Variants in SAMD5 observed in about 807,000 individuals in gnomAD.
SAMD5 encodes sterile alpha motif domain-containing protein 5.
A neutral mutation model predicts 11.3 loss-of-function variants in SAMD5; 13 were observed. The observed-to-expected ratio is 1.15, with a 90% confidence interval of 0.75 to 1.83. The LOEUF is 1.83. Ranked by LOEUF, SAMD5 falls within the 40% of genes most tolerant of loss-of-function variation. SAMD5 has a pLI of 0.00. For missense variants in SAMD5, 255 were observed against 239.1 expected, an observed-to-expected ratio of 1.07 and a Z score of -0.44; for synonymous variants, 129 against 111.3, an observed-to-expected ratio of 1.16 and a Z score of -1.00.
intron 1 of SAMD5, among the ~76,000 whole-genome samples, chr6:147,655,072 C>G (rs1164861182): frequency 6.6e-6 from 1 of 152,172 alleles, no homozygotes; most frequent in East Asian, 1.9e-4. Context: ...TGCTCTTTCC[C>G]TCTGTATTTT....
At chr6:147,671,314 A>C (rs546501438) in intron 1 of SAMD5, among the ~76,000 whole-genome samples, 1 of 152,232 alleles carries the variant, frequency 6.6e-6, no homozygotes, top group Non-Finnish European at 1.5e-5. Context: ...AAGTGAGCAC[A>C]TGCTGTTGGA....
intron 1 of SAMD5, among the ~76,000 whole-genome samples, chr6:147,548,838 T>C (rs571333972): frequency 1.3e-5 from 2 of 152,206 alleles, no homozygotes; most frequent in South Asian, 4.2e-4. Context: ...GTATGACAGA[T>C]TGTATTTCTC....
At chr6:147,796,014 G>A in the SAMD5 span, among the ~76,000 whole-genome samples, 1 of 147,014 alleles carries the variant, frequency 6.8e-6, no homozygotes, top group Admixed American at 6.7e-5. Context: ...CATTTTGTAG[G>A]TTGCCTGTTC....
chr6:147,909,618 T>TTCTC, the SAMD5 span, among the ~76,000 whole-genome samples: 1 of 76,420 alleles, frequency 1.3e-5, no homozygotes, highest in African/African-American at 8.3e-5. Flanking sequence ...CTTTCTTTCT[T>TTCTC]TCTTTCTTTC....
chr6:147,552,770 G>A (rs184785412), intron 1 of SAMD5, among the ~76,000 whole-genome samples: 1 of 152,116 alleles, frequency 6.6e-6, no homozygotes, highest in South Asian at 2.1e-4. Flanking sequence ...CAATTAAAGA[G>A]GTCTTTATGC....
At chr6:147,791,019 G>A in the SAMD5 span, among the ~76,000 whole-genome samples, 1 of 152,116 alleles carries the variant, frequency 6.6e-6, no homozygotes, top group African/African-American at 2.4e-5. Flanking sequence ...GATAGGCCGG[G>A]TGTGGTGGCT....
chr6:147,911,281 G>A, the SAMD5 span, among the ~76,000 whole-genome samples: 1 of 152,176 alleles, frequency 6.6e-6, no homozygotes, highest in African/African-American at 2.4e-5. Flanking sequence ...AACACTGCCT[G>A]CTTGCCTCCT....
the SAMD5 span, among the ~76,000 whole-genome samples, chr6:147,843,446 TC>T: frequency 2.0e-5 from 3 of 152,178 alleles, no homozygotes; most frequent in Non-Finnish European, 4.4e-5. Context: ...TCAGTGCAAT[TC>T]CTATCAAAAT....
chr6:147,703,054 A>G (rs1368413809), intron 1 of SAMD5, among the ~76,000 whole-genome samples: 3 of 151,922 alleles, frequency 2.0e-5, no homozygotes, highest in African/African-American at 4.8e-5. Context: ...TCATTCCCTT[A>G]TACTTCGTTT....
chr6:147,803,938 C>T, the SAMD5 span, among the ~76,000 whole-genome samples: 1 of 152,138 alleles, frequency 6.6e-6, no homozygotes, highest in Admixed American at 6.5e-5. Flanking sequence ...CTCTGAAGCT[C>T]CTGCTCCTTC....
chr6:147,891,277 A>AT, the SAMD5 span, among the ~76,000 whole-genome samples: 1 of 152,212 alleles, frequency 6.6e-6, no homozygotes, highest in South Asian at 2.1e-4. Context: ...TCTATGTATT[A>AT]TTTGTGTCAT....
At chr6:147,938,270 A>G in the SAMD5 span, among the ~76,000 whole-genome samples, 7 of 141,104 alleles carry the variant, frequency 5.0e-5, no homozygotes, top group Admixed American at 3.7e-4. Context: ...TTTGTTTAAT[A>G]CTTTCATTAA....
chr6:147,797,362 G>A, the SAMD5 span, among the ~76,000 whole-genome samples: 13 of 131,566 alleles, frequency 9.9e-5, no homozygotes, highest in African/African-American at 3.3e-4. Flanking sequence ...TTATATGCTG[G>A]ATTACATTTA....
intron 1 of SAMD5, among the ~76,000 whole-genome samples, chr6:147,627,229 C>G (rs11155512): frequency 1.3e-5 from 2 of 151,924 alleles, no homozygotes; most frequent in Non-Finnish European, 2.9e-5. Flanking sequence ...TCAAAAGTTA[C>G]CTGGTAAACT....
rs77922447 is a variant in SAMD5 at position 147,563,366 on chromosome 6, G to T, written c.460-1028G>T. 9.3e-3 allele frequency among the ~76,000 whole-genome samples: 1,418 copies of T among 152,270 alleles called. 19 individuals are homozygous for T. The highest frequency in any genetic ancestry group is 0.032 in the African/African-American group (1,322 of 41,546). On this transcript the variant is annotated intron_variant, in intron 1 of 1. Transcript: ENST00000367474. ...TTTTTATTTTTTGGGAGCTTACAAG[G>T]CTTGGAGAGGTTGCAGAGATAGAGA...
Position 147,568,824 on chromosome 6 carries a change from A to C in SAMD5, c.*4368A>C. On this transcript the variant is annotated 3_prime_UTR_variant, in exon 2 of 2. Coordinates refer to ENST00000367474, the MANE Select transcript of SAMD5 (RefSeq NM_001030060.3). ...AAATCATCTTCAGCTTTACATTATT[A>C]ATCTCTGAGGACATAAAATCAAATA... The C allele has an allele frequency of 1.1e-6, 1 of 946,184 alleles. No homozygotes were observed. The highest frequency in any genetic ancestry group is 1.3e-6 in the Non-Finnish European group (1 of 794,188). The allele number at this position is 946,184 out of a possible 1,614,324, so 58.6% of individuals were successfully genotyped here. A position where few individuals can be genotyped will look rare whatever the true frequency, so the allele number is the denominator to read the frequency against.
intron 1 of SAMD5, among the ~76,000 whole-genome samples, chr6:147,584,971 T>TACTCATACTCCA (rs1461774551): frequency 6.6e-6 from 1 of 152,152 alleles, no homozygotes. Context: ...TACTTCAGGA[T>TACTCATACTCCA]GCCTAAATGT....
chr6:147,856,828 G>A, the SAMD5 span, among the ~76,000 whole-genome samples: 1,056 of 148,400 alleles, frequency 7.1e-3, 59 homozygotes, highest in African/African-American at 0.025. Flanking sequence ...GCGCGGGGGG[G>A]GGGGGAAGCT....
At chr6:147,578,242 T>C (rs1004058067) in intron 1 of SAMD5, among the ~76,000 whole-genome samples, 5 of 152,230 alleles carry the variant, frequency 3.3e-5, no homozygotes, top group African/African-American at 1.2e-4. Flanking sequence ...TTAAAAGTTA[T>C]TTTGATACCA....
Sources: gnomAD v4.1 joint callset for allele counts (sites outside exome capture counted in the v4.1 genomes callset) on GRCh38, gnomAD v4.1.1 for gene constraint, MANE v1.5 for transcripts, NCBI Gene and HGNC (gene_info 2026-07-23, HGNC 2026-07-21) for gene names.